The following HHAT variants were observed in gnomAD, a reference collection of about 807,000 sequenced individuals.
The protein encoded by HHAT is protein-cysteine N-palmitoyltransferase HHAT.
A neutral mutation model predicts 70.8 loss-of-function variants in HHAT; 47 were observed. The observed-to-expected ratio is 0.66, with a 90% CI of 0.53 to 0.85. HHAT has a LOEUF of 0.85. Ranked by LOEUF, HHAT falls within the 40% of genes least tolerant of loss-of-function variation. HHAT has a pLI of 0.00. For synonymous variants in HHAT, 228 were observed against 247.6 expected, an observed-to-expected ratio of 0.92 and a Z score of 0.74; for missense variants, 609 against 604.8, an observed-to-expected ratio of 1.01 and a Z score of -0.07.
At chr1:210,558,137 G>C (rs144792207) in intron 9 of HHAT, among the ~76,000 whole-genome samples, 1 of 152,118 alleles carries the variant, frequency 6.6e-6, no homozygotes, top group Non-Finnish European at 1.5e-5. Context: ...AGAGTTTTTC[G>C]TTACTCAGGT....
At chr1:210,572,986 G>GA (rs530062042) in intron 9 of HHAT, among the ~76,000 whole-genome samples, 65 of 152,268 alleles carry the variant, frequency 4.3e-4, no homozygotes, top group Non-Finnish European at 8.2e-4. Context: ...GAGGGGTAGG[G>GA]AAAATGGGGA....
intron 11 of HHAT, among the ~76,000 whole-genome samples, chr1:210,648,309 C>T (rs1329602452): frequency 6.6e-6 from 1 of 152,184 alleles, no homozygotes; most frequent in Non-Finnish European, 1.5e-5. Context: ...TGTGTAACAT[C>T]CACAGATAAA....
At position 210,328,940 on chromosome 1, in the gene HHAT, G is replaced by C; in HGVS notation, c.-208G>C. On this transcript the variant is annotated 5_prime_UTR_variant, in exon 1 of 12. Coordinates refer to ENST00000261458, the MANE Select transcript of HHAT (RefSeq NM_018194.6). The stretch of plus-strand genomic sequence containing the variant: ...GGGGCGTGCTCGGAGGACGCGCGCT[G>C]CGCTGCTCCTCCAAAGGGCAGCTCC... The C allele has an allele frequency of 2.6e-6, 3 of 1,147,526 alleles. No homozygotes were observed. The highest frequency in any genetic ancestry group is 3.4e-6 in the Non-Finnish European group (3 of 894,820). 71.1% of individuals were successfully genotyped at this position (1,147,526 alleles called of 1,614,324 possible).
chr1:210,649,604 C>T (rs370383620), intron 11 of HHAT, among the ~76,000 whole-genome samples: 4 of 152,226 alleles, frequency 2.6e-5, no homozygotes, highest in South Asian at 4.1e-4. Flanking sequence ...CTGTGTCTCC[C>T]TAAAGGTTTT....
At chr1:210,473,439 C>T (rs1005276625) in intron 8 of HHAT, among the ~76,000 whole-genome samples, 1 of 151,952 alleles carries the variant, frequency 6.6e-6, no homozygotes, top group Admixed American at 6.6e-5. Context: ...GGGGTCCATT[C>T]AGTTGATTGG....
chr1:210,600,543 T>A (rs1276489026), intron 10 of HHAT, among the ~76,000 whole-genome samples: 2 of 152,150 alleles, frequency 1.3e-5, no homozygotes, highest in African/African-American at 4.8e-5. Context: ...CCTGGTAGCC[T>A]GCTGCTTTAT....
At chr1:210,558,128 G>A (rs920073240) in intron 9 of HHAT, among the ~76,000 whole-genome samples, 1 of 152,190 alleles carries the variant, frequency 6.6e-6, no homozygotes, top group African/African-American at 2.4e-5. Flanking sequence ...TGGTGGCAGA[G>A]AGTTTTTCGT....
intron 3 of HHAT, among the ~76,000 whole-genome samples, chr1:210,380,225 A>T (rs1398583820): frequency 2.0e-5 from 3 of 152,206 alleles, no homozygotes; most frequent in African/African-American, 7.2e-5. Flanking sequence ...TAGTGGAGAG[A>T]CAGCTCAGTA....
chr1:210,501,382 G>A (rs1355039152), intron 8 of HHAT, among the ~76,000 whole-genome samples: 2 of 152,154 alleles, frequency 1.3e-5, no homozygotes, highest in African/African-American at 2.4e-5. Context: ...CTGCTTCATC[G>A]GTTGCATTGG....
intron 8 of HHAT, among the ~76,000 whole-genome samples, chr1:210,500,634 G>A (rs181853748): frequency 6.6e-6 from 1 of 152,284 alleles, no homozygotes; most frequent in Non-Finnish European, 1.5e-5. Context: ...TGGTTGTCAA[G>A]GGCAACCTGG....
At chr1:210,644,602 CAAAAAAAA>C (rs57190952) in intron 11 of HHAT, among the ~76,000 whole-genome samples, 1 of 64,034 alleles carries the variant, frequency 1.6e-5, no homozygotes, top group African/African-American at 7.4e-5. Flanking sequence ...GACTCCATCT[CAAAAAAAA>C]AAAAAAAAAA....
chr1:210,388,823 C>T (rs2091262885), intron 4 of HHAT, among the ~76,000 whole-genome samples: 1 of 152,030 alleles, frequency 6.6e-6, no homozygotes, highest in Non-Finnish European at 1.5e-5. Context: ...TTTTCCCATC[C>T]ATGTGTAAAT....
intron 9 of HHAT, among the ~76,000 whole-genome samples, chr1:210,561,807 C>A (rs1232321371): frequency 6.6e-6 from 1 of 152,144 alleles, no homozygotes; most frequent in Non-Finnish European, 1.5e-5. Context: ...AAAATCAATT[C>A]TTCTGGCTGT....
At chr1:210,346,144 C>T (rs1447640293) in intron 1 of HHAT, among the ~76,000 whole-genome samples, 1 of 151,850 alleles carries the variant, frequency 6.6e-6, no homozygotes, top group African/African-American at 2.4e-5. Flanking sequence ...GGATTAAATC[C>T]TTAATGCAGG....
chr1:210,453,514 C>T (rs973584230), intron 7 of HHAT, among the ~76,000 whole-genome samples: 4 of 152,050 alleles, frequency 2.6e-5, no homozygotes, highest in African/African-American at 4.8e-5. Flanking sequence ...CCCCCTATTC[C>T]GTGCCTTCCC....
At chr1:210,405,349 T>G (rs1013002574) in intron 6 of HHAT, among the ~76,000 whole-genome samples, 1 of 152,156 alleles carries the variant, frequency 6.6e-6, no homozygotes, top group South Asian at 2.1e-4. Context: ...TTTTTCTGCC[T>G]CCTCAACCTA....
chr1:210,498,654 G>T (rs763552680), intron 8 of HHAT, among the ~76,000 whole-genome samples: 16 of 152,136 alleles, frequency 1.1e-4, no homozygotes, highest in Non-Finnish European at 1.8e-4. Flanking sequence ...CCACTCACCC[G>T]GCTTTAGTAT....
intron 11 of HHAT, among the ~76,000 whole-genome samples, chr1:210,660,894 C>T (rs4638190): frequency 0.26 from 38,954 of 152,078 alleles, 5,977 homozygotes; most frequent in South Asian, 0.36. Context: ...CCCTTCCTTA[C>T]ACCTTATACA....
At chr1:210,545,693 T>C (rs919023682) in intron 9 of HHAT, among the ~76,000 whole-genome samples, 2 of 152,176 alleles carry the variant, frequency 1.3e-5, no homozygotes, top group Non-Finnish European at 2.9e-5. Flanking sequence ...CACCTTGGCC[T>C]CCAAAAGTGC....
Sources: gnomAD v4.1 joint callset for allele counts (sites outside exome capture counted in the v4.1 genomes callset) on GRCh38, gnomAD v4.1.1 for gene constraint, MANE v1.5 for transcripts, NCBI Gene and HGNC (gene_info 2026-07-23, HGNC 2026-07-21) for gene names.